Variants in DIXDC1 observed in about 807,000 individuals in gnomAD.
DIXDC1 encodes dixin.
Under a neutral mutation model 103.1 loss-of-function variants are expected in DIXDC1, and 64 were observed. The ratio of observed to expected loss-of-function variants is 0.62; its 90% confidence interval spans 0.51 to 0.76. The LOEUF (loss-of-function observed/expected upper bound fraction) is 0.76. DIXDC1 is among the 30% of genes least tolerant of loss of function. The pLI, the probability that DIXDC1 is intolerant of heterozygous loss-of-function variation, is 0.00. For missense variants in DIXDC1, 759 were observed against 834.2 expected, an observed-to-expected ratio of 0.91 and a Z score of 1.11; for synonymous variants, 266 against 298.5, an observed-to-expected ratio of 0.89 and a Z score of 1.12.
chr11:111,956,892 C>T (rs1555170619), intron 1 of DIXDC1, among the ~76,000 whole-genome samples: 2 of 152,088 alleles, frequency 1.3e-5, no homozygotes, highest in Non-Finnish European at 2.9e-5. Context: ...GAGGGCCAGG[C>T]ATGGGAGTTC....
At chr11:111,984,088 C>T (rs1555173582) in intron 7 of DIXDC1, among the ~76,000 whole-genome samples, 4 of 152,184 alleles carry the variant, frequency 2.6e-5, no homozygotes, top group Non-Finnish European at 5.9e-5. Context: ...ATTTGACTTA[C>T]TCAAATTTTA....
rs184684214 is a variant in DIXDC1, at chr11:111,975,745, G to A, written c.656+762G>A. On this transcript the variant is annotated intron_variant, in intron 5 of 19. Coordinates refer to ENST00000440460, the MANE Select transcript of DIXDC1 (RefSeq NM_001037954.4). The stretch of plus-strand genomic sequence containing the variant: ...CCCTGTGTAATCTGCTCTATTTAGG[G>A]CTAATTGTTCCTTGTCTTGTATGTA... The A allele has an allele frequency of 8.3e-5, 82 of 985,180 alleles. No homozygotes were observed. The African/African-American group carries it at 1.3e-3, about 16-fold the overall frequency. 61.0% of individuals were successfully genotyped at this position (985,180 alleles called of 1,614,324 possible).
At chr11:111,939,209 A>G (rs1966333122) in intron 1 of DIXDC1, among the ~76,000 whole-genome samples, 1 of 152,140 alleles carries the variant, frequency 6.6e-6, no homozygotes, top group African/African-American at 2.4e-5. Flanking sequence ...AGCTGGTCCT[A>G]ATCTTAGTTT....
At chr11:111,975,650 GTTT>G (rs1333906405) in intron 5 of DIXDC1, 5 of 985,508 alleles carry the variant, frequency 5.1e-6, no homozygotes, top group Middle Eastern at 5.2e-4. Context: ...CCCAGATCAT[GTTT>G]TTACTAACTT....
At chr11:112,013,243 C>T (rs1861478239) in intron 17 of DIXDC1, among the ~76,000 whole-genome samples, 1 of 143,948 alleles carries the variant, frequency 6.9e-6, no homozygotes, top group Admixed American at 7.4e-5. Context: ...ATCTTAATTA[C>T]CTCCTTAAAG....
Position 111,964,584 on chromosome 11 carries a change from A to G in DIXDC1, c.96A>G (p.Ala32=). 2.5e-6 allele frequency: 4 copies of G among 1,609,486 alleles called. No homozygotes were observed. Among genetic ancestry groups the G allele is most frequent in the Non-Finnish European group, 3.4e-6 (4 of 1,177,820 alleles). ...AGGCCTATGTGGCCTGGGTGAATGCACAGCTGAAGAAGAGGCCAGCAGTGA... is the reference window on the plus strand; with the variant it reads ...AGGCCTATGTGGCCTGGGTGAATGCGCAGCTGAAGAAGAGGCCAGCAGTGA... The part of the protein sequence containing the change: ...QLQAYVAWVN[A]QLKKRPAVKP... Residue 32 remains alanine, a synonymous_variant, in exon 2 of 20, where the codon GCA becomes GCG. Coordinates refer to ENST00000440460, the MANE Select transcript of DIXDC1 (RefSeq NM_001037954.4).
chr11:111,959,252 AGAGCTCCCTTTGGGGAGCCCAGACCTAG>A (rs1555170843), intron 1 of DIXDC1, among the ~76,000 whole-genome samples: 1 of 152,214 alleles, frequency 6.6e-6, no homozygotes, highest in African/African-American at 2.4e-5. Flanking sequence ...TGCAGAGAGA[AGAGCTCCCTTTGGGGAGCCCAGACCTAG>A]GAGCTCCCCA....
chr11:111,951,923 T>C (rs1966820799), intron 1 of DIXDC1, among the ~76,000 whole-genome samples: 1 of 151,192 alleles, frequency 6.6e-6, no homozygotes, highest in South Asian at 2.1e-4. Flanking sequence ...TGGAGTATAG[T>C]AGCATGATCT....
chr11:112,014,148 T>C (rs945297260), intron 17 of DIXDC1, among the ~76,000 whole-genome samples: 1 of 152,298 alleles, frequency 6.6e-6, no homozygotes, highest in African/African-American at 2.4e-5. Flanking sequence ...ACATGAGGTG[T>C]TGGGGGACAA....
chr11:111,974,948 G>A lies in DIXDC1; in HGVS notation c.621G>A (p.Gly207=). 1.2e-6 allele frequency: 2 copies of A among 1,613,334 alleles called. No homozygotes were observed. Among genetic ancestry groups the A allele is most frequent in the Non-Finnish European group, 1.7e-6 (2 of 1,179,726 alleles). ...SVRALVQQYE[G]QQRSPSESSC... Reference sequence around the variant, plus strand: ...GGGCCCTAGTGCAGCAGTACGAAGGGCAACAAAGGTCCCCGTCTGAATCCA... The same window carrying A: ...GGGCCCTAGTGCAGCAGTACGAAGGACAACAAAGGTCCCCGTCTGAATCCA... Residue 207 remains glycine (G), a synonymous_variant, in exon 5 of 20, where the codon GGG becomes GGA. Transcript: ENST00000440460.
intron 17 of DIXDC1, among the ~76,000 whole-genome samples, chr11:112,003,626 C>T (rs1289919041): frequency 6.6e-6 from 1 of 151,812 alleles, no homozygotes; most frequent in African/African-American, 2.4e-5. Flanking sequence ...TGGAGAAACC[C>T]TGTCTCTACT....
Position 111,977,922 on chromosome 11 carries a change from AC to A in DIXDC1, c.657-2813del. The A allele has an allele frequency of 7.6e-7, 1 of 1,317,108 alleles. No homozygotes were observed. Among genetic ancestry groups the A allele is most frequent in the Non-Finnish European group, 1.0e-6 (1 of 986,392 alleles). The allele number at this position is 1,317,108 out of a possible 1,614,324, so 81.6% of individuals were successfully genotyped here. On this transcript the variant is annotated intron_variant, in intron 5 of 19. Transcript: ENST00000440460. The surrounding 1 kb of genome is among the most constrained non-coding windows in gnomAD (Gnocchi z 6.1). ...ATTATGTTGGGAGGACCGGCTGCTG[AC>A]CAGGGGTTATCACTATAAAATACGG...
chr11:111,977,466 G>A lies in DIXDC1; in HGVS notation c.656+2483G>A. 7.7e-7 allele frequency: 1 copy of A among 1,291,554 alleles called. No individual in the cohort carries two copies. Among genetic ancestry groups the A allele is most frequent in the South Asian group, 1.7e-5 (1 of 57,236 alleles). 80.0% of individuals were successfully genotyped at this position (1,291,554 alleles called of 1,614,324 possible). On this transcript the variant is annotated intron_variant, in intron 5 of 19. Coordinates refer to ENST00000440460, the MANE Select transcript of DIXDC1 (RefSeq NM_001037954.4). The surrounding 1 kb of genome is among the most constrained non-coding windows in gnomAD (Gnocchi z 6.1). ...GCGGAGGCCAAGATGCAGCGGCCAGGGGCCGGCAGCCTGCGAGGGGAGGCA... is the reference window on the plus strand; with the variant it reads ...GCGGAGGCCAAGATGCAGCGGCCAGAGGCCGGCAGCCTGCGAGGGGAGGCA...
At chr11:112,004,232 T>C (rs1266010554) in intron 17 of DIXDC1, among the ~76,000 whole-genome samples, 4 of 151,858 alleles carry the variant, frequency 2.6e-5, no homozygotes, top group Non-Finnish European at 5.9e-5. Context: ...AGGTTGGCTG[T>C]GGGGATAGAG....
chr11:111,947,675 A>T (rs1365566060), intron 1 of DIXDC1, among the ~76,000 whole-genome samples: 1 of 152,220 alleles, frequency 6.6e-6, no homozygotes, highest in African/African-American at 2.4e-5. Flanking sequence ...CAGCCTAAAG[A>T]AGGATAGTAT....
upstream of DIXDC1, among the ~76,000 whole-genome samples, chr11:111,935,751 G>A (rs1966168028): frequency 6.6e-6 from 1 of 152,246 alleles, no homozygotes; most frequent in Non-Finnish European, 1.5e-5. Context: ...GCTAGATTAT[G>A]AAGGACAGTG....
chr11:111,937,438 AG>A lies in DIXDC1; in HGVS notation c.-60del. 3 of 1,547,442 alleles carry A rather than the reference AG, an allele frequency of 1.9e-6. No individual in the cohort carries two copies. The East Asian group carries it at 7.3e-5, about 38-fold the overall frequency. ...GAGAGCCTTTGTGTGCAGAGGGAGG[AG>A]GAGGAGGCGGCGGCGGCCGCCGGGC... On this transcript the variant is annotated 5_prime_UTR_variant, in exon 1 of 20. Coordinates refer to ENST00000440460, the MANE Select transcript of DIXDC1 (RefSeq NM_001037954.4).
At chr11:112,011,659 T>C (rs1051419281) in intron 17 of DIXDC1, among the ~76,000 whole-genome samples, 14 of 152,304 alleles carry the variant, frequency 9.2e-5, no homozygotes, top group Admixed American at 7.2e-4. Context: ...TGCAGGGACA[T>C]GGATGAAACT....
At chr11:112,006,074 T>C (rs1266409663) in intron 17 of DIXDC1, among the ~76,000 whole-genome samples, 1 of 151,858 alleles carries the variant, frequency 6.6e-6, no homozygotes, top group Non-Finnish European at 1.5e-5. Flanking sequence ...AACGGAACAC[T>C]CCTCCCCCAA....
Sources: gnomAD v4.1 joint callset for allele counts (sites outside exome capture counted in the v4.1 genomes callset) on GRCh38, gnomAD v4.1.1 for gene constraint, Gnocchi (gnomAD v3.1) non-coding constraint, MANE v1.5 for transcripts, NCBI Gene and HGNC (gene_info 2026-07-23, HGNC 2026-07-21) for gene names.